The following PRKN variants were observed in gnomAD, a reference collection of about 807,000 sequenced individuals.
The protein encoded by PRKN is E3 ubiquitin-protein ligase parkin.
In PRKN, 56 loss-of-function variants were observed where a neutral mutation model predicts 59.5. The observed-to-expected ratio is 0.94, with a 90% CI of 0.76 to 1.18. The LOEUF (loss-of-function observed/expected upper bound fraction) is 1.18, where lower values mean the gene tolerates loss of function less well. PRKN is among the 50% of genes most tolerant of loss of function. The probability of loss-of-function intolerance (pLI) is 0.00; values close to 1 mark genes in which losing one functional copy is unlikely to be tolerated. For missense variants in PRKN, 657 were observed against 596.4 expected, an observed-to-expected ratio of 1.10 and a Z score of -1.06; for synonymous variants, 250 against 222.1, an observed-to-expected ratio of 1.13 and a Z score of -1.12.
chr6:162,634,285 G>C (rs1324271864), intron 1 of PRKN, among the ~76,000 whole-genome samples: 1 of 152,062 alleles, frequency 6.6e-6, no homozygotes. Context: ...GTGGCCTCCT[G>C]ATGCTGCTGG....
chr6:161,991,795 A>G (rs1396901862), intron 5 of PRKN, among the ~76,000 whole-genome samples: 1 of 152,142 alleles, frequency 6.6e-6, no homozygotes. Flanking sequence ...GTGAGCCAAG[A>G]GCACACCACT....
At position 161,744,668 on chromosome 6, in the gene PRKN, G is replaced by A. The variant is rs1362838679; in HGVS notation, c.871+41104C>T. 2.0e-5 allele frequency among the ~76,000 whole-genome samples: 3 copies of A among 152,216 alleles called. No homozygotes were observed. In the East Asian group the frequency reaches 5.8e-4, roughly 29 times the overall value. On this transcript the variant is annotated intron_variant, in intron 7 of 11. Transcript: ENST00000366898. ...ATCCCCCAGGCAGCATTGACTCGTG[G>A]TCTATTCCTTCACTGTACTGACGCT...
chr6:162,026,896 T>C (rs544701831), intron 5 of PRKN, among the ~76,000 whole-genome samples: 6 of 152,340 alleles, frequency 3.9e-5, no homozygotes, highest in African/African-American at 1.2e-4. Flanking sequence ...GAGAAGTTAA[T>C]ATTTATTGAG....
intron 2 of PRKN, among the ~76,000 whole-genome samples, chr6:162,317,772 C>T (rs7756134): frequency 0.075 from 11,331 of 151,964 alleles, 673 homozygotes; most frequent in African/African-American, 0.16. Context: ...TCCCATTCAC[C>T]TATTTCCCTG....
At chr6:162,215,740 C>T (rs1348597743) in intron 3 of PRKN, among the ~76,000 whole-genome samples, 1 of 151,930 alleles carries the variant, frequency 6.6e-6, no homozygotes, top group Non-Finnish European at 1.5e-5. Flanking sequence ...AATACAGGAG[C>T]AAAACTGAAA....
At chr6:162,138,767 T>G (rs1781654034) in intron 4 of PRKN, among the ~76,000 whole-genome samples, 1 of 151,780 alleles carries the variant, frequency 6.6e-6, no homozygotes, top group Admixed American at 6.6e-5. Flanking sequence ...ACTAGAGAGA[T>G]TAACAATTGA....
At chr6:161,885,628 G>A (rs1244515962) in intron 6 of PRKN, among the ~76,000 whole-genome samples, 2 of 146,246 alleles carry the variant, frequency 1.4e-5, no homozygotes, top group East Asian at 2.0e-4. Flanking sequence ...TTGCACCACT[G>A]CACTCCAGCC....
intron 3 of PRKN, among the ~76,000 whole-genome samples, chr6:162,222,967 C>T (rs1777998804): frequency 6.6e-6 from 1 of 151,434 alleles, no homozygotes; most frequent in African/African-American, 2.4e-5. Context: ...ATTAACTCAT[C>T]ATTTAGCATT....
intron 1 of PRKN, among the ~76,000 whole-genome samples, chr6:162,494,334 T>C (rs1792959174): frequency 6.6e-6 from 1 of 152,188 alleles, no homozygotes; most frequent in Admixed American, 6.5e-5. Context: ...CCAGGTGTGC[T>C]TGTTTAGCAC....
At chr6:162,465,786 C>A (rs997106940) in intron 1 of PRKN, among the ~76,000 whole-genome samples, 3 of 152,094 alleles carry the variant, frequency 2.0e-5, no homozygotes, top group Non-Finnish European at 4.4e-5. Flanking sequence ...TGGCTAAATT[C>A]TTTGATAGGT....
intron 7 of PRKN, among the ~76,000 whole-genome samples, chr6:161,583,099 C>G (rs1781403814): frequency 6.6e-6 from 1 of 151,236 alleles, no homozygotes; most frequent in Non-Finnish European, 1.5e-5. Flanking sequence ...TGATGATGAA[C>G]TATAGAGCAT....
At chr6:162,379,920 G>A (rs1439137851) in intron 2 of PRKN, among the ~76,000 whole-genome samples, 1 of 152,106 alleles carries the variant, frequency 6.6e-6, no homozygotes, top group Non-Finnish European at 1.5e-5. Context: ...GAATTCCGAG[G>A]TGAACCAGTC....
At chr6:162,031,532 CTTTTT>C (rs1783640550) in intron 5 of PRKN, among the ~76,000 whole-genome samples, 1 of 132,570 alleles carries the variant, frequency 7.5e-6, no homozygotes, top group African/African-American at 3.6e-5. Flanking sequence ...TTTTTCTTTT[CTTTTT>C]CTTTTTTTTT....
chr6:162,587,878 A>G (rs996618983), intron 1 of PRKN, among the ~76,000 whole-genome samples: 1 of 152,190 alleles, frequency 6.6e-6, no homozygotes, highest in African/African-American at 2.4e-5. Flanking sequence ...AGAAAAATGT[A>G]TCTATGTTGC....
chr6:161,960,166 G>T (rs1203745257), intron 6 of PRKN, among the ~76,000 whole-genome samples: 2 of 152,146 alleles, frequency 1.3e-5, no homozygotes, highest in Admixed American at 6.6e-5. Flanking sequence ...AAAAAAACAT[G>T]GTTCCAAGTG....
intron 2 of PRKN, among the ~76,000 whole-genome samples, chr6:162,274,776 T>C (rs1433085214): frequency 2.0e-5 from 3 of 152,106 alleles, no homozygotes; most frequent in East Asian, 3.9e-4. Context: ...TCATTGTCCT[T>C]ATTATAGAAA....
chr6:161,781,794 A>C (rs1790216438), intron 7 of PRKN, among the ~76,000 whole-genome samples: 1 of 152,252 alleles, frequency 6.6e-6, no homozygotes, highest in Non-Finnish European at 1.5e-5. Context: ...GAAACACCAA[A>C]GGATCCTAAA....
chr6:161,504,884 AT>A (rs1472199125), intron 9 of PRKN, among the ~76,000 whole-genome samples: 1 of 149,268 alleles, frequency 6.7e-6, no homozygotes, highest in African/African-American at 2.5e-5. Flanking sequence ...ATAGTATTCC[AT>A]GGTGTATATG....
chr6:161,701,700 G>C (rs536016943), intron 7 of PRKN, among the ~76,000 whole-genome samples: 72 of 152,204 alleles, frequency 4.7e-4, no homozygotes, highest in African/African-American at 1.7e-3. Flanking sequence ...TCCAAATTCT[G>C]TCCAAGGTAA....
Sources: gnomAD v4.1 joint callset for allele counts (sites outside exome capture counted in the v4.1 genomes callset) on GRCh38, gnomAD v4.1.1 for gene constraint, MANE v1.5 for transcripts, NCBI Gene and HGNC (gene_info 2026-07-23, HGNC 2026-07-21) for gene names.